Variants in C8A observed in about 807,000 individuals in gnomAD.
The protein encoded by C8A is complement C8 alpha chain.
A neutral mutation model predicts 65.3 loss-of-function variants in C8A; 67 were observed. The ratio of observed to expected loss-of-function variants is 1.03; its 90% CI spans 0.84 to 1.26. C8A has a LOEUF of 1.26. C8A is among the 50% of genes most tolerant of loss of function. C8A has a pLI of 0.00. For synonymous variants in C8A, 290 were observed against 259.4 expected, an observed-to-expected ratio of 1.12 and a Z score of -1.13; for missense variants, 781 against 723.9, an observed-to-expected ratio of 1.08 and a Z score of -0.90.
At chr1:56,872,922 T>C (rs2101211876) in intron 2 of C8A, among the ~76,000 whole-genome samples, 1 of 145,744 alleles carries the variant, frequency 6.9e-6, no homozygotes, top group East Asian at 1.9e-4. Flanking sequence ...AGAAAGAAAA[T>C]TGGCTCTACA....
chr1:56,897,542 G>A (rs1205231459), intron 7 of C8A, among the ~76,000 whole-genome samples: 1 of 152,184 alleles, frequency 6.6e-6, no homozygotes, highest in African/African-American at 2.4e-5. Context: ...AGGGCTCTTG[G>A]GCTGTGTATT....
chr1:56,888,591 A>T (rs1644319569), intron 7 of C8A, among the ~76,000 whole-genome samples: 1 of 152,192 alleles, frequency 6.6e-6, no homozygotes, highest in African/African-American at 2.4e-5. Flanking sequence ...ACTTCAATAA[A>T]TCTTTTCCAG....
At chr1:56,903,408 C>T (rs1644441293) in intron 7 of C8A, among the ~76,000 whole-genome samples, 1 of 152,140 alleles carries the variant, frequency 6.6e-6, no homozygotes, top group South Asian at 2.1e-4. Flanking sequence ...TGTGAGTTTC[C>T]TGAGGCTTCC....
chr1:56,890,614 G>A (rs1644337110), intron 7 of C8A, among the ~76,000 whole-genome samples: 1 of 152,038 alleles, frequency 6.6e-6, no homozygotes, highest in South Asian at 2.1e-4. Flanking sequence ...AGAGTATGGT[G>A]GTCTCTTATT....
At chr1:56,859,165 A>G (rs796965759) in intron 1 of C8A, among the ~76,000 whole-genome samples, 58 of 152,344 alleles carry the variant, frequency 3.8e-4, no homozygotes, top group African/African-American at 1.3e-3. Context: ...TACCTACATA[A>G]CCTTAAGCAA....
chr1:56,872,127 C>G (rs1253080304), intron 2 of C8A, among the ~76,000 whole-genome samples: 1 of 152,136 alleles, frequency 6.6e-6, no homozygotes, highest in Non-Finnish European at 1.5e-5. Context: ...GACCTAACTG[C>G]AATATTCCAA....
intron 7 of C8A, among the ~76,000 whole-genome samples, chr1:56,893,551 C>A (rs950929361): frequency 6.6e-6 from 1 of 152,046 alleles, no homozygotes; most frequent in Non-Finnish European, 1.5e-5. Flanking sequence ...ATTCTAAGTG[C>A]ATGTTGCATG....
chr1:56,872,571 T>C (rs1224696842), intron 2 of C8A, among the ~76,000 whole-genome samples: 1 of 152,216 alleles, frequency 6.6e-6, no homozygotes, highest in East Asian at 1.9e-4. Flanking sequence ...TGAACAGTCT[T>C]AAAAGACCTC....
At chr1:56,873,102 A>G (rs1326831134) in intron 2 of C8A, among the ~76,000 whole-genome samples, 1 of 152,148 alleles carries the variant, frequency 6.6e-6, no homozygotes, top group Non-Finnish European at 1.5e-5. Context: ...ACCTATGGAC[A>G]GGTTTGATCT....
chr1:56,908,823 C>A (rs755407494), intron 9 of C8A, among the ~76,000 whole-genome samples: 1 of 152,214 alleles, frequency 6.6e-6, no homozygotes. Flanking sequence ...CTTTGGACTT[C>A]GTATCCAGTT....
intron 1 of C8A, among the ~76,000 whole-genome samples, chr1:56,857,126 G>A (rs1643984603): frequency 6.6e-6 from 1 of 151,986 alleles, no homozygotes; most frequent in South Asian, 2.1e-4. Context: ...TTATTCTGTT[G>A]TTCAGTGTAG....
chr1:56,885,259 C>A (rs896970803), intron 6 of C8A, among the ~76,000 whole-genome samples: 1 of 139,664 alleles, frequency 7.2e-6, no homozygotes, highest in South Asian at 2.2e-4. Context: ...TGTTCATATA[C>A]GTGTTTATAT....
chr1:56,856,421 C>T (rs1643975822), intron 1 of C8A, among the ~76,000 whole-genome samples: 1 of 152,116 alleles, frequency 6.6e-6, no homozygotes, highest in Admixed American at 6.5e-5. Flanking sequence ...TGAAAGCTGT[C>T]ACCAGTGCTG....
At chr1:56,864,813 C>T (rs1041181126) in intron 1 of C8A, among the ~76,000 whole-genome samples, 1 of 152,028 alleles carries the variant, frequency 6.6e-6, no homozygotes, top group African/African-American at 2.4e-5. Flanking sequence ...TCTTTAGACC[C>T]CAGAAAGTCC....
chr1:56,862,922 T>C (rs191976393), intron 1 of C8A, among the ~76,000 whole-genome samples: 2 of 152,310 alleles, frequency 1.3e-5, no homozygotes, highest in East Asian at 3.9e-4. Context: ...ATCCCTTCAA[T>C]GCAGTCATCC....
intron 1 of C8A, among the ~76,000 whole-genome samples, chr1:56,862,155 G>A (rs1369159450): frequency 6.6e-6 from 1 of 152,202 alleles, no homozygotes; most frequent in Non-Finnish European, 1.5e-5. Context: ...TAACATGTAT[G>A]CCAGGCTTGT....
Position 56,912,864 on chromosome 1 carries a change from A to T in C8A, c.1603+239A>T, listed in dbSNP as rs559028708. On this transcript the variant is annotated intron_variant, in intron 10 of 10. Transcript: ENST00000361249. ...TTTCGCCAAGATGTATATGGACAAC[A>T]GGATTCATTTCTGGAGGAATAAACT... Among the ~76,000 whole-genome samples, 3 of 152,322 alleles carry T rather than the reference A, an allele frequency of 2.0e-5. No individual in the cohort carries two copies. In the East Asian group the frequency reaches 5.8e-4, roughly 29 times the overall value.
chr1:56,877,040 G>A (rs568755821), intron 4 of C8A, among the ~76,000 whole-genome samples: 8 of 152,244 alleles, frequency 5.3e-5, no homozygotes, highest in Admixed American at 5.2e-4. Flanking sequence ...GAGGACTGGT[G>A]GCTTTATAAG....
At chr1:56,904,538 A>C (rs1452287093) in intron 7 of C8A, among the ~76,000 whole-genome samples, 1 of 152,224 alleles carries the variant, frequency 6.6e-6, no homozygotes, top group Non-Finnish European at 1.5e-5. Flanking sequence ...TTCCTCTCAG[A>C]TGGCAGAATT....
Sources: allele counts gnomAD v4.1 joint callset (sites outside exome capture counted in the v4.1 genomes callset), GRCh38; gene constraint gnomAD v4.1.1; transcripts MANE v1.5; gene names NCBI Gene and HGNC (gene_info 2026-07-23, HGNC 2026-07-21).